RBFOX3: variants seen among roughly 807,000 people sequenced by gnomAD.
The protein encoded by RBFOX3 is RNA binding protein fox-1 homolog 3.
A neutral mutation model predicts 48.7 loss-of-function variants in RBFOX3; 17 were observed. That is an observed-to-expected ratio of 0.35 (90% CI 0.24 to 0.52). The LOEUF (loss-of-function observed/expected upper bound fraction) is 0.52, where lower values mean the gene tolerates loss of function less well. Among genes scored for constraint, RBFOX3 ranks in the 20% least tolerant of loss-of-function variants. RBFOX3 has a pLI of 0.94. For missense variants in RBFOX3, 382 were observed against 497.5 expected (o/e 0.77, Z 2.21); for synonymous variants, 212 against 209.5 (o/e 1.01, Z -0.10).
At chr17:79,521,936 G>C (rs1163612844) in intron 1 of RBFOX3, among the ~76,000 whole-genome samples, 2 of 152,188 alleles carry the variant, frequency 1.3e-5, no homozygotes, top group African/African-American at 4.8e-5. Flanking sequence ...GAGTTTTTCA[G>C]TGAAGTCGGT....
intron 4 of RBFOX3, among the ~76,000 whole-genome samples, chr17:79,184,412 C>T (rs1349098000): frequency 6.6e-6 from 1 of 152,222 alleles, no homozygotes; most frequent in African/African-American, 2.4e-5. Flanking sequence ...CCTCCTTGCC[C>T]CATTCAGCAT....
chr17:79,504,648 G>A (rs1210236145), intron 1 of RBFOX3, among the ~76,000 whole-genome samples: 2 of 152,170 alleles, frequency 1.3e-5, no homozygotes, highest in Non-Finnish European at 2.9e-5. Flanking sequence ...TTTTGTCTGT[G>A]TCAAATCTCC....
chr17:79,449,175 G>T (rs1013661774), intron 2 of RBFOX3, among the ~76,000 whole-genome samples: 7 of 152,064 alleles, frequency 4.6e-5, no homozygotes, highest in Admixed American at 6.5e-5. Context: ...GGTAGGAGGG[G>T]CCCGGGATGG....
intron 4 of RBFOX3, among the ~76,000 whole-genome samples, chr17:79,123,291 TGCATGCCTGTATCA>T (rs953623641): frequency 6.6e-6 from 1 of 152,208 alleles, no homozygotes; most frequent in African/African-American, 2.4e-5. Context: ...TATCACACAC[TGCATGCCTGTATCA>T]AAACATCTCA....
chr17:79,511,868 CGTG>C (rs2084294940), intron 1 of RBFOX3, among the ~76,000 whole-genome samples: 1 of 149,574 alleles, frequency 6.7e-6, no homozygotes. Flanking sequence ...AGGGGACACA[CGTG>C]CAGATACATA....
chr17:79,479,824 G>A lies in RBFOX3; in HGVS notation c.-175+2630C>T, dbSNP rs1480828585. On this transcript the variant is annotated intron_variant, in intron 2 of 14. Coordinates refer to ENST00000693108, the MANE Select transcript of RBFOX3 (RefSeq NM_001350451.2). This position sits in a 1 kb window ranked among gnomAD's most constrained non-coding sequence, Gnocchi z 5.1. ...TTTTCAGAGGAGCATGGGAGATGGT[G>A]CTACCGTCACGGCCTGCAGGATGTC... Among the ~76,000 whole-genome samples, 2 of 152,184 alleles carry A rather than the reference G, an allele frequency of 1.3e-5. No homozygotes were observed. The highest frequency in any genetic ancestry group is 2.9e-5 in the Non-Finnish European group (2 of 68,024).
At chr17:79,236,045 G>T (rs963572668) in intron 3 of RBFOX3, among the ~76,000 whole-genome samples, 6 of 152,184 alleles carry the variant, frequency 3.9e-5, no homozygotes, top group African/African-American at 1.4e-4. Flanking sequence ...GGGCACGGTG[G>T]ACCGGCCACC....
At chr17:79,181,872 T>C (rs1186570849) in intron 4 of RBFOX3, among the ~76,000 whole-genome samples, 1 of 152,038 alleles carries the variant, frequency 6.6e-6, no homozygotes, top group Non-Finnish European at 1.5e-5. Context: ...AACCACCTTC[T>C]ATAGCTCCTT....
chr17:79,543,487 C>T (rs1237727335), intron 1 of RBFOX3, among the ~76,000 whole-genome samples: 2 of 152,090 alleles, frequency 1.3e-5, no homozygotes, highest in East Asian at 1.9e-4. Flanking sequence ...GTACTCAACA[C>T]CCCTACGTCT....
rs1023904816 is a variant in RBFOX3, at chr17:79,176,366, G to A, written c.-34+59400C>T. Among the ~76,000 whole-genome samples, 12 of 152,300 alleles carry A rather than the reference G, an allele frequency of 7.9e-5. No individual in the cohort carries two copies. In the South Asian group the frequency reaches 2.1e-3, roughly 26 times the overall value. On this transcript the variant is annotated intron_variant, in intron 4 of 14. Coordinates refer to ENST00000693108, the MANE Select transcript of RBFOX3 (RefSeq NM_001350451.2). ...GTCCACAGTTCAAGCTGGACCTGCT[G>A]GCACCAGAGCCCCCAGCACCCCCCA...
chr17:79,652,155 T>C, the RBFOX3 span, among the ~76,000 whole-genome samples: 1 of 151,956 alleles, frequency 6.6e-6, no homozygotes, highest in Non-Finnish European at 1.5e-5. Flanking sequence ...TGTTTGGGGG[T>C]AATTTGTGAC....
upstream of RBFOX3, among the ~76,000 whole-genome samples, chr17:79,614,506 G>A (rs2093986847): frequency 6.6e-6 from 1 of 152,210 alleles, no homozygotes; most frequent in Non-Finnish European, 1.5e-5. Context: ...AAAAGCCAAG[G>A]ATGACCAGAC....
intron 4 of RBFOX3, among the ~76,000 whole-genome samples, chr17:79,117,178 G>A (rs577913298): frequency 2.2e-4 from 33 of 152,378 alleles, no homozygotes; most frequent in African/African-American, 7.0e-4. Context: ...GCCCCCCCAG[G>A]AGTCTGCGGT....
At chr17:79,113,422 G>A (rs558573291) in intron 5 of RBFOX3, among the ~76,000 whole-genome samples, 14 of 152,214 alleles carry the variant, frequency 9.2e-5, no homozygotes, top group Middle Eastern at 3.4e-3. Context: ...GGTCATGGAG[G>A]ATGACTCTCT....
chr17:79,269,701 G>T (rs1192954571), intron 3 of RBFOX3, among the ~76,000 whole-genome samples: 6 of 151,974 alleles, frequency 3.9e-5, no homozygotes, highest in Non-Finnish European at 8.8e-5. Context: ...TCCTGGCGGG[G>T]CCTGGGTCTT....
intron 2 of RBFOX3, among the ~76,000 whole-genome samples, chr17:79,396,878 G>C (rs552761072): frequency 2.0e-5 from 3 of 152,350 alleles, no homozygotes; most frequent in Non-Finnish European, 2.9e-5. Flanking sequence ...CGCCTCCACC[G>C]GTCACGGGTC....
rs568954466 is a variant in RBFOX3 at position 79,231,622 on chromosome 17, C to CA, written c.-34+4143dup. 5.8e-3 allele frequency among the ~76,000 whole-genome samples: 888 copies of CA among 152,080 alleles called. 11 individuals are homozygous for CA. Among genetic ancestry groups the CA allele is most frequent in the African/African-American group, 0.021 (859 of 41,482 alleles). On this transcript the variant is annotated intron_variant, in intron 4 of 14. Transcript: ENST00000693108. ...GGCTGCAGGACACAAAATCAATGTA[C>CA]AAAAAATCTATTTTATTTCTATACG...
intron 4 of RBFOX3, among the ~76,000 whole-genome samples, chr17:79,190,594 ACT>A (rs1393620832): frequency 6.6e-6 from 1 of 151,934 alleles, no homozygotes; most frequent in Non-Finnish European, 1.5e-5. Flanking sequence ...GAAGCTCTCC[ACT>A]GGGGGAGACC....
chr17:79,120,052 G>A (rs74001559), intron 4 of RBFOX3, among the ~76,000 whole-genome samples: 2,787 of 152,310 alleles, frequency 0.018, 72 homozygotes, highest in African/African-American at 0.062. Context: ...GTCTGCTAGG[G>A]TCAGAGTCAA....
Sources: gnomAD v4.1 joint callset for allele counts (sites outside exome capture counted in the v4.1 genomes callset) on GRCh38, gnomAD v4.1.1 for gene constraint, Gnocchi (gnomAD v3.1) non-coding constraint, MANE v1.5 for transcripts, NCBI Gene and HGNC (gene_info 2026-07-23, HGNC 2026-07-21) for gene names.